The following DAP variants were observed in gnomAD, a reference collection of about 807,000 sequenced individuals.
DAP encodes the protein death associated protein.
Under a neutral mutation model 13.8 loss-of-function variants are expected in DAP, and 8 were observed. The observed-to-expected ratio is 0.58, with a 90% CI of 0.34 to 1.05. The LOEUF (loss-of-function observed/expected upper bound fraction) is 1.05, where lower values mean the gene tolerates loss of function less well. Among genes scored for constraint, DAP ranks in the 50% least tolerant of loss-of-function variants. The pLI is 0.03. For missense variants in DAP, 106 were observed against 133.2 expected, an observed-to-expected ratio of 0.80 and a Z score of 1.01; for synonymous variants, 47 against 47.5, an observed-to-expected ratio of 0.99 and a Z score of 0.04.
At chr5:10,687,905 CTTTTTTTTT>C (rs1199947263) in intron 2 of DAP, among the ~76,000 whole-genome samples, 8 of 110,666 alleles carry the variant, frequency 7.2e-5, no homozygotes, top group African/African-American at 1.9e-4. Context: ...TCATTGTTGT[CTTTTTTTTT>C]TTTTTTTTTT....
chr5:10,736,273 G>A (rs2126670368), intron 2 of DAP, among the ~76,000 whole-genome samples: 1 of 152,342 alleles, frequency 6.6e-6, no homozygotes, highest in East Asian at 1.9e-4. Context: ...GTGCAACTGT[G>A]TTATGGGAGC....
At chr5:10,725,149 A>T (rs2126662040) in intron 2 of DAP, among the ~76,000 whole-genome samples, 1 of 152,150 alleles carries the variant, frequency 6.6e-6, no homozygotes, top group East Asian at 1.9e-4. Flanking sequence ...CACCCTTCCC[A>T]TTTCAGGCTT....
intron 2 of DAP, among the ~76,000 whole-genome samples, chr5:10,739,062 C>G (rs1024459132): frequency 6.6e-6 from 1 of 151,726 alleles, no homozygotes; most frequent in Non-Finnish European, 1.5e-5. Context: ...ATTAGCCGAA[C>G]GTGGTGGCAT....
intron 2 of DAP, among the ~76,000 whole-genome samples, chr5:10,730,375 T>C (rs944813209): frequency 3.9e-5 from 6 of 152,178 alleles, no homozygotes; most frequent in African/African-American, 1.2e-4. Flanking sequence ...CCCTGTCCTA[T>C]ACAAATCTAC....
intron 2 of DAP, among the ~76,000 whole-genome samples, chr5:10,745,807 C>T (rs1040927111): frequency 2.6e-5 from 4 of 152,070 alleles, no homozygotes; most frequent in Admixed American, 2.0e-4. Context: ...CCAGGCAAGG[C>T]GATATCTCTT....
chr5:10,726,705 T>C (rs1329997157), intron 2 of DAP, among the ~76,000 whole-genome samples: 2 of 152,248 alleles, frequency 1.3e-5, no homozygotes, highest in Non-Finnish European at 1.5e-5. Context: ...TGAGGTTTTA[T>C]GTCACTTGTC....
At chr5:10,756,459 C>A (rs1254984561) in intron 1 of DAP, among the ~76,000 whole-genome samples, 1 of 152,190 alleles carries the variant, frequency 6.6e-6, no homozygotes. Flanking sequence ...ATCCTTAACT[C>A]ATGTCTGACG....
At chr5:10,710,493 G>A (rs1442191336) in intron 2 of DAP, among the ~76,000 whole-genome samples, 1 of 152,234 alleles carries the variant, frequency 6.6e-6, no homozygotes, top group Non-Finnish European at 1.5e-5. Flanking sequence ...AGCCTTTCAT[G>A]GGGCTTAGAG....
chr5:10,681,733 A>G (rs1216518729), intron 3 of DAP, among the ~76,000 whole-genome samples: 249 of 74,790 alleles, frequency 3.3e-3, no homozygotes, highest in Middle Eastern at 0.011. Flanking sequence ...CAGCGTCCCT[A>G]CAGGAAGCAT....
chr5:10,722,569 C>CATAT (rs1412172092), intron 2 of DAP, among the ~76,000 whole-genome samples: 221 of 145,556 alleles, frequency 1.5e-3, no homozygotes, highest in African/African-American at 5.2e-3. Flanking sequence ...CATATATATA[C>CATAT]ATACATACAT....
intron 2 of DAP, among the ~76,000 whole-genome samples, chr5:10,733,125 T>TC: frequency 6.6e-6 from 1 of 152,018 alleles, no homozygotes; most frequent in African/African-American, 2.4e-5. Flanking sequence ...TGACAGGATT[T>TC]CCCCTTTTTA....
rs1009111904 is a variant in DAP at position 10,680,383 on chromosome 5, A to T, written c.*673T>A. On this transcript the variant is annotated 3_prime_UTR_variant, in exon 4 of 4. Transcript: ENST00000230895. Reference sequence around the variant, plus strand: ...GCGATGCTGGGCTTGCCGTGCCGAGATCTCATGCCAGAAGTCCTCCCTCGG... The same window carrying T: ...GCGATGCTGGGCTTGCCGTGCCGAGTTCTCATGCCAGAAGTCCTCCCTCGG... The T allele has an allele frequency of 3.3e-6, 1 of 300,588 alleles. No individual in the cohort carries two copies. The highest frequency in any genetic ancestry group is 4.9e-5 in the Admixed American group (1 of 20,580). The allele number at this position is 300,588 out of a possible 1,614,324, so 18.6% of individuals were successfully genotyped here. A position where few individuals can be genotyped will look rare whatever the true frequency, so the allele number is the denominator to read the frequency against.
intron 1 of DAP, among the ~76,000 whole-genome samples, chr5:10,751,647 T>C (rs527889173): frequency 6.6e-6 from 1 of 152,284 alleles, no homozygotes; most frequent in Middle Eastern, 3.4e-3. Flanking sequence ...GTAATTGTAT[T>C]TGGAGAGAGG....
chr5:10,717,586 G>A (rs993701951), intron 2 of DAP, among the ~76,000 whole-genome samples: 39 of 152,152 alleles, frequency 2.6e-4, no homozygotes, highest in African/African-American at 6.5e-4. Flanking sequence ...TAAACCCTGC[G>A]CTGCCTGAGG....
intron 2 of DAP, among the ~76,000 whole-genome samples, chr5:10,729,724 AG>A (rs1408190846): frequency 2.6e-5 from 4 of 152,214 alleles, no homozygotes; most frequent in African/African-American, 9.6e-5. Context: ...CCTTAGCCTC[AG>A]GCTTGCCCAT....
chr5:10,735,102 C>T (rs1263392982), intron 2 of DAP, among the ~76,000 whole-genome samples: 1 of 152,140 alleles, frequency 6.6e-6, no homozygotes, highest in Non-Finnish European at 1.5e-5. Flanking sequence ...ATCCCAAGTG[C>T]CTCAAACTGT....
chr5:10,728,445 G>A (rs1414987821), intron 2 of DAP, among the ~76,000 whole-genome samples: 2 of 152,174 alleles, frequency 1.3e-5, no homozygotes, highest in Admixed American at 6.5e-5. Context: ...CAAAAAAGAA[G>A]ACCTCTGATG....
chr5:10,697,800 G>A (rs1315722381), intron 2 of DAP, among the ~76,000 whole-genome samples: 1 of 152,108 alleles, frequency 6.6e-6, no homozygotes, highest in East Asian at 1.9e-4. Flanking sequence ...TTCCATCTCC[G>A]GAAGCACAGG....
chr5:10,709,597 G>C (rs936714108), intron 2 of DAP, among the ~76,000 whole-genome samples: 1 of 152,170 alleles, frequency 6.6e-6, no homozygotes, highest in Non-Finnish European at 1.5e-5. Flanking sequence ...GGCTTTCTCC[G>C]AGGCATGGTC....
Sources: allele counts gnomAD v4.1 joint callset (sites outside exome capture counted in the v4.1 genomes callset), GRCh38; gene constraint gnomAD v4.1.1; transcripts MANE v1.5; gene names NCBI Gene and HGNC (gene_info 2026-07-23, HGNC 2026-07-21).